Variants in SEMA3A observed in about 807,000 individuals in gnomAD.
SEMA3A encodes the protein semaphorin-3A.
SEMA3A carries 29 observed loss-of-function variants against 97.9 expected under a neutral mutation model. The observed-to-expected ratio is 0.30, with a 90% confidence interval of 0.22 to 0.40. SEMA3A has a LOEUF of 0.40. Among genes scored for constraint, SEMA3A ranks in the 10% least tolerant of loss-of-function variants. The probability of loss-of-function intolerance (pLI) is 1.00; values close to 1 mark genes in which losing one functional copy is unlikely to be tolerated. For missense variants in SEMA3A, 763 were observed against 951.3 expected (o/e 0.80, Z 2.60); for synonymous variants, 321 against 323.7 (o/e 0.99, Z 0.09).
At chr7:84,299,617 C>T (rs1800957416) in intron 3 of SEMA3A, among the ~76,000 whole-genome samples, 1 of 151,242 alleles carries the variant, frequency 6.6e-6, no homozygotes, top group African/African-American at 2.4e-5. Context: ...AATTACTTGA[C>T]CATGAGGAAA....
intron 3 of SEMA3A, among the ~76,000 whole-genome samples, chr7:84,204,950 C>T (rs370461000): frequency 3.3e-5 from 5 of 152,272 alleles, no homozygotes; most frequent in Admixed American, 2.0e-4. Context: ...TCTTTTGTGG[C>T]TTGCACAGAA....
chr7:84,335,410 T>C (rs986855877), intron 2 of SEMA3A, among the ~76,000 whole-genome samples: 3 of 152,170 alleles, frequency 2.0e-5, no homozygotes, highest in Non-Finnish European at 2.9e-5. Flanking sequence ...ATATAGGTTA[T>C]AGTTGTGGAA....
chr7:84,219,169 G>T (rs1798817776), intron 3 of SEMA3A, among the ~76,000 whole-genome samples: 2 of 151,882 alleles, frequency 1.3e-5, no homozygotes, highest in Admixed American at 1.3e-4. Context: ...AAATTAAAAG[G>T]ACCTTTACTA....
chr7:84,177,224 T>C (rs1007906805), intron 1 of SEMA3A, among the ~76,000 whole-genome samples: 2 of 152,158 alleles, frequency 1.3e-5, no homozygotes, highest in Non-Finnish European at 2.9e-5. Context: ...ATTTACTGTA[T>C]GTAGCTGGTA....
chr7:84,242,689 G>C (rs1192312314), intron 3 of SEMA3A, among the ~76,000 whole-genome samples: 5 of 152,166 alleles, frequency 3.3e-5, no homozygotes, highest in Non-Finnish European at 7.3e-5. Flanking sequence ...GGAGTGGTAA[G>C]AGAGGGCATC....
intron 6 of SEMA3A, among the ~76,000 whole-genome samples, chr7:84,032,847 TG>T (rs1252700940): frequency 6.6e-6 from 1 of 151,846 alleles, no homozygotes; most frequent in Non-Finnish European, 1.5e-5. Context: ...CTTTTTATAT[TG>T]GGGAAGTGAT....
intron 1 of SEMA3A, among the ~76,000 whole-genome samples, chr7:84,395,761 G>T (rs1411790853): frequency 6.6e-6 from 1 of 152,050 alleles, no homozygotes; most frequent in Non-Finnish European, 1.5e-5. Flanking sequence ...TTCACCTTCT[G>T]CCATGATTGT....
intron 3 of SEMA3A, among the ~76,000 whole-genome samples, chr7:84,225,943 T>G (rs915958145): frequency 6.6e-6 from 1 of 152,104 alleles, no homozygotes; most frequent in East Asian, 1.9e-4. Flanking sequence ...TAAACATTAT[T>G]ATTTATTAGT....
intron 1 of SEMA3A, among the ~76,000 whole-genome samples, chr7:84,384,241 A>T (rs1803344566): frequency 1.3e-5 from 2 of 152,146 alleles, no homozygotes; most frequent in African/African-American, 4.8e-5. Context: ...ATTTTGTTAA[A>T]TGTGTTACAT....
intron 5 of SEMA3A, among the ~76,000 whole-genome samples, chr7:84,052,942 CT>C (rs1218291864): frequency 6.6e-6 from 1 of 151,494 alleles, no homozygotes; most frequent in East Asian, 1.9e-4. Flanking sequence ...CAAAGAACAT[CT>C]TTATTTCTGC....
At chr7:84,050,937 G>A (rs995550037) in intron 5 of SEMA3A, among the ~76,000 whole-genome samples, 25 of 151,608 alleles carry the variant, frequency 1.6e-4, no homozygotes, top group African/African-American at 5.8e-4. Context: ...TGGCTAGCCA[G>A]TTTTCCCAGC....
chr7:84,005,430 G>A lies in SEMA3A; in HGVS notation c.1269C>T (p.Ile423=), dbSNP rs753997365. The A allele has an allele frequency of 6.2e-7, 1 of 1,613,684 alleles. No homozygotes were observed. Among genetic ancestry groups the A allele is most frequent in the Non-Finnish European group, 8.5e-7 (1 of 1,179,746 alleles). Reference sequence around the variant, plus strand: ...TAAATTGATAATTTACATCCGTTTTGATCACTATTGGGCGATTGTTCATAG... The same window carrying A: ...TAAATTGATAATTTACATCCGTTTTAATCACTATTGGGCGATTGTTCATAG... ...VFPMNNRPIV[I]KTDVNYQFTQ... Residue 423 remains isoleucine (I), a synonymous_variant, in exon 11 of 17, where the codon ATC becomes ATT. Transcript: ENST00000265362.
intron 15 of SEMA3A, among the ~76,000 whole-genome samples, chr7:83,971,085 A>C (rs565456170): frequency 6.6e-6 from 1 of 152,298 alleles, no homozygotes; most frequent in African/African-American, 2.4e-5. Flanking sequence ...AAAACAAAAA[A>C]ATTCATTCAT....
At chr7:84,213,113 G>A (rs549713661) in intron 3 of SEMA3A, among the ~76,000 whole-genome samples, 1 of 152,216 alleles carries the variant, frequency 6.6e-6, no homozygotes, top group African/African-American at 2.4e-5. Flanking sequence ...TAGCAGCTGG[G>A]ATTACAGGCA....
At chr7:83,964,902 G>A (rs2116260857) in intron 15 of SEMA3A, among the ~76,000 whole-genome samples, 1 of 152,000 alleles carries the variant, frequency 6.6e-6, no homozygotes, top group Non-Finnish European at 1.5e-5. Flanking sequence ...GAATGCATAT[G>A]GAACATGTTG....
At chr7:84,017,501 T>G (rs542791267) in intron 6 of SEMA3A, among the ~76,000 whole-genome samples, 6 of 152,094 alleles carry the variant, frequency 3.9e-5, no homozygotes, top group Non-Finnish European at 8.8e-5. Context: ...AGAAAAACAT[T>G]GTCAATTTAA....
intron 3 of SEMA3A, among the ~76,000 whole-genome samples, chr7:84,268,090 T>A (rs1221515408): frequency 6.6e-6 from 1 of 152,072 alleles, no homozygotes; most frequent in Non-Finnish European, 1.5e-5. Flanking sequence ...AGGGACTAAT[T>A]GAATCAAGTA....
At chr7:84,061,465 T>C (rs894711005) in intron 4 of SEMA3A, among the ~76,000 whole-genome samples, 8 of 152,190 alleles carry the variant, frequency 5.3e-5, no homozygotes. Context: ...GAGCATTCTT[T>C]TAAGAACCAA....
At chr7:84,126,309 G>A (rs1426424999) in intron 3 of SEMA3A, among the ~76,000 whole-genome samples, 1 of 151,990 alleles carries the variant, frequency 6.6e-6, no homozygotes, top group African/African-American at 2.4e-5. Flanking sequence ...GGGTTCAAGC[G>A]ATTCTCCTGC....
Sources: allele counts gnomAD v4.1 joint callset (sites outside exome capture counted in the v4.1 genomes callset), GRCh38; gene constraint gnomAD v4.1.1; transcripts MANE v1.5; gene names NCBI Gene and HGNC (gene_info 2026-07-23, HGNC 2026-07-21).